The following UBAP2L variants were observed in gnomAD, a reference collection of about 807,000 sequenced individuals.
UBAP2L encodes ubiquitin-associated protein 2-like.
In UBAP2L, 12 loss-of-function variants were observed where a neutral mutation model predicts 130.6. The ratio of observed to expected loss-of-function variants is 0.09; its 90% CI spans 0.06 to 0.15. The LOEUF is 0.15. UBAP2L is among the 10% of genes least tolerant of loss of function. The pLI is 1.00. For missense variants in UBAP2L, 965 were observed against 1,332.5 expected (o/e 0.72, Z 4.29); for synonymous variants, 503 against 524.7 (o/e 0.96, Z 0.57).
At chr1:154,262,208 C>T (rs763222525) in intron 24 of UBAP2L, among the ~76,000 whole-genome samples, 54 of 152,244 alleles carry the variant, frequency 3.5e-4, no homozygotes, top group South Asian at 4.1e-4. Flanking sequence ...AAGGAGTAGG[C>T]GTGACCATAC....
At chr1:154,246,962 A>G (rs553031741) in intron 11 of UBAP2L, among the ~76,000 whole-genome samples, 55 of 152,324 alleles carry the variant, frequency 3.6e-4, no homozygotes, top group Admixed American at 1.3e-3. Flanking sequence ...AACTTATGAC[A>G]TATTACTTGT....
intron 7 of UBAP2L, 29 bp from the exon 8 acceptor site, chr1:154,236,995 C>A: frequency 6.4e-7 from 1 of 1,574,104 alleles, no homozygotes; most frequent in South Asian, 1.1e-5. Context: ...GCTTAGAGGT[C>A]AGAGACTCTT....
At chr1:154,237,364 A>G (rs1453110316) in intron 8 of UBAP2L, among the ~76,000 whole-genome samples, 1 of 152,186 alleles carries the variant, frequency 6.6e-6, no homozygotes, top group Non-Finnish European at 1.5e-5. Flanking sequence ...AATAATCATT[A>G]TTTATCATCA....
In UBAP2L at chr1:154,255,167, C is replaced by T. The variant is rs140356642; in HGVS notation, c.1925C>T (p.Ala642Val). The T allele has an allele frequency of 2.2e-4, 359 of 1,613,890 alleles. No individual in the cohort carries two copies. The highest frequency in any genetic ancestry group is 2.9e-4 in the Non-Finnish European group (346 of 1,179,926). Residue 642 changes from alanine (A) to valine (V), a missense_variant, in exon 17 of 27, where the codon GCA becomes GTA. Around this residue, in one of 9 missense-constraint regions of UBAP2L, gnomAD observed 393 missense variants for 408.1 expected, o/e 0.96. Transcript: ENST00000428931. Reference protein sequence around the residue: ...TQSVEGATGSAVKSDSPSTSS... With the variant: ...TQSVEGATGSVVKSDSPSTSS... The stretch of plus-strand genomic sequence containing the variant: ...AAATTTCTAGGTGCTACAGGCTCTG[C>T]AGTGAAATCTGATTCACCTTCCACT...
chr1:154,247,738 A>T (rs992322978), intron 11 of UBAP2L, among the ~76,000 whole-genome samples: 51 of 151,872 alleles, frequency 3.4e-4, no homozygotes, highest in South Asian at 1.0e-3. Flanking sequence ...CTAAAAAAAA[A>T]TTTTTTTTAA....
intron 24 of UBAP2L, chr1:154,262,959 C>G: frequency 1.3e-6 from 1 of 764,316 alleles, no homozygotes; most frequent in African/African-American, 1.8e-5. Context: ...AATTGGCATA[C>G]CTGATTCTAG....
At chr1:154,244,075 T>G (rs1674495448) in intron 10 of UBAP2L, among the ~76,000 whole-genome samples, 1 of 152,194 alleles carries the variant, frequency 6.6e-6, no homozygotes, top group Non-Finnish European at 1.5e-5. Context: ...CGTTTTAGAA[T>G]TTAAATCTCT....
chr1:154,247,589 G>T (rs1675940943), intron 11 of UBAP2L, among the ~76,000 whole-genome samples: 1 of 152,096 alleles, frequency 6.6e-6, no homozygotes, highest in Non-Finnish European at 1.5e-5. Context: ...TTCAGCTGGG[G>T]ACAGTGACAC....
Position 154,234,459 on chromosome 1 carries a change from A to G in UBAP2L, c.280-132A>G, listed in dbSNP as rs1226047660. On this transcript the variant is annotated intron_variant, in intron 4 of 26. Transcript: ENST00000428931. Reference sequence around the variant, plus strand: ...AAATATTTAAACAGAAGTAAAAGCAAACTAATGGAAGTGTTTTAGACATGG... The same window carrying G: ...AAATATTTAAACAGAAGTAAAAGCAGACTAATGGAAGTGTTTTAGACATGG... 1.9e-5 allele frequency: 16 copies of G among 852,406 alleles called. No individual in the cohort carries two copies. The East Asian group carries it at 3.8e-4, about 20-fold the overall frequency. The allele number at this position is 852,406 out of a possible 1,614,324, so 52.8% of individuals were successfully genotyped here. A position where few individuals can be genotyped will look rare whatever the true frequency, so the allele number is the denominator to read the frequency against.
chr1:154,247,583 G>C (rs1280541479), intron 11 of UBAP2L, among the ~76,000 whole-genome samples: 2 of 152,130 alleles, frequency 1.3e-5, no homozygotes, highest in African/African-American at 4.8e-5. Flanking sequence ...GATGTTTTCA[G>C]CTGGGGACAG....
chr1:154,238,479 A>T (rs1461200887), intron 8 of UBAP2L, among the ~76,000 whole-genome samples: 1 of 152,128 alleles, frequency 6.6e-6, no homozygotes, highest in Non-Finnish European at 1.5e-5. Context: ...AGAAGTTGAA[A>T]AGTTTGTTTT....
chr1:154,226,350 G>C (rs16835879), intron 2 of UBAP2L, among the ~76,000 whole-genome samples: 4,398 of 152,238 alleles, frequency 0.029, 207 homozygotes, highest in African/African-American at 0.098. Flanking sequence ...TATTAACTTT[G>C]ATGTAGATAT....
chr1:154,257,610 T>C, intron 20 of UBAP2L, 176 bp downstream of exon 20: 2 of 661,360 alleles, frequency 3.0e-6, no homozygotes, highest in Non-Finnish European at 5.1e-6. Context: ...GTGGCCGTAT[T>C]TTTGATCTGT....
Position 154,228,526 on chromosome 1 carries a change from A to G in UBAP2L, c.169-89A>G, listed in dbSNP as rs976251513. ...TTTAAACTTGTTTTTTTCAAACTCAACTGATAGCGTTTCCCTTCACCTAGT... is the reference window on the plus strand; with the variant it reads ...TTTAAACTTGTTTTTTTCAAACTCAGCTGATAGCGTTTCCCTTCACCTAGT... On this transcript the variant is annotated intron_variant, in intron 3 of 26. Transcript: ENST00000428931. The G allele has an allele frequency of 7.9e-6, 8 of 1,011,194 alleles. No individual in the cohort carries two copies. The Admixed American group carries it at 8.0e-5, about 10-fold the overall frequency. 62.6% of individuals were successfully genotyped at this position (1,011,194 alleles called of 1,614,324 possible). A position where few individuals can be genotyped will look rare whatever the true frequency, so the allele number is the denominator to read the frequency against.
intron 26 of UBAP2L, chr1:154,269,730 T>C (rs1684321322): frequency 5.8e-5 from 17 of 292,308 alleles, no homozygotes; most frequent in South Asian, 5.3e-4. Context: ...ATGTGATGTG[T>C]GGTAGGGGTG....
chr1:154,245,921 C>CA (rs756157190), intron 10 of UBAP2L, among the ~76,000 whole-genome samples: 51 of 152,206 alleles, frequency 3.4e-4, no homozygotes, highest in Non-Finnish European at 6.3e-4. Flanking sequence ...TCGAAACAAA[C>CA]AAACAAACAA....
chr1:154,241,370 G>A (rs959118829), intron 8 of UBAP2L, 143 bp from the exon 9 acceptor site: 1 of 699,568 alleles, frequency 1.4e-6, no homozygotes, highest in Non-Finnish European at 2.4e-6. Flanking sequence ...TTATAGGTGT[G>A]AGCCACCACA....
intron 14 of UBAP2L, among the ~76,000 whole-genome samples, chr1:154,253,526 T>C (rs1475721744): frequency 1.3e-5 from 2 of 151,360 alleles, no homozygotes; most frequent in Non-Finnish European, 2.9e-5. Flanking sequence ...GGACTACAGG[T>C]GCCCGCCACC....
At chr1:154,229,037 C>T (rs548853450) in intron 4 of UBAP2L, among the ~76,000 whole-genome samples, 6 of 152,110 alleles carry the variant, frequency 3.9e-5, no homozygotes, top group Non-Finnish European at 5.9e-5. Context: ...ATTAGAGGTG[C>T]GATTTGATAG....
Sources: allele counts gnomAD v4.1 joint callset (sites outside exome capture counted in the v4.1 genomes callset), GRCh38; gene constraint gnomAD v4.1.1; regional missense constraint gnomAD v4.1.1; transcripts MANE v1.5; gene names NCBI Gene and HGNC (gene_info 2026-07-23, HGNC 2026-07-21).